Variants in SV2C observed in about 807,000 individuals in gnomAD.
SV2C encodes synaptic vesicle glycoprotein 2C.
In SV2C, 49 loss-of-function variants were observed where a neutral mutation model predicts 79.7. That is an observed-to-expected ratio of 0.61 (90% CI 0.49 to 0.78). The LOEUF (loss-of-function observed/expected upper bound fraction) is 0.78, where lower values mean the gene tolerates loss of function less well. Ranked by LOEUF, SV2C falls within the 30% of genes least tolerant of loss-of-function variation. SV2C has a pLI of 0.00. For synonymous variants in SV2C, 334 were observed against 333.2 expected (o/e 1.00, Z -0.03); for missense variants, 833 against 912.9 (o/e 0.91, Z 1.13).
At chr5:76,285,081 T>C in intron 4 of SV2C, 81 bp from the exon 5 acceptor site, 1 of 1,571,450 alleles carries the variant, frequency 6.4e-7, no homozygotes, top group Non-Finnish European at 8.6e-7. Context: ...AATAAGTCCA[T>C]GGTTCGGGCA....
chr5:76,098,447 C>A (rs1482931230), intron 1 of SV2C, among the ~76,000 whole-genome samples: 1 of 152,184 alleles, frequency 6.6e-6, no homozygotes, highest in African/African-American at 2.4e-5. Flanking sequence ...GCTCAGTGGG[C>A]CTTTTTGTCT....
intron 4 of SV2C, among the ~76,000 whole-genome samples, chr5:76,253,007 C>T (rs547089845): frequency 6.6e-6 from 1 of 152,222 alleles, no homozygotes; most frequent in East Asian, 1.9e-4. Flanking sequence ...TTATATTGAT[C>T]AATTGTGTAA....
At chr5:76,112,281 G>A (rs967835762) in intron 1 of SV2C, among the ~76,000 whole-genome samples, 4 of 152,180 alleles carry the variant, frequency 2.6e-5, no homozygotes, top group African/African-American at 9.7e-5. Context: ...ACTCTTAGGT[G>A]GTGTGGTCAA....
intron 12 of SV2C, among the ~76,000 whole-genome samples, chr5:76,315,799 A>T (rs1748599874): frequency 6.6e-6 from 1 of 152,212 alleles, no homozygotes; most frequent in Non-Finnish European, 1.5e-5. Context: ...AGGGAGAAGA[A>T]AAAAGGGATG....
At chr5:76,130,949 C>T (rs561261565) in intron 1 of SV2C, among the ~76,000 whole-genome samples, 1 of 152,246 alleles carries the variant, frequency 6.6e-6, no homozygotes, top group African/African-American at 2.4e-5. Flanking sequence ...GGCAGACTCC[C>T]ACCAAACAAG....
At chr5:76,211,463 C>CGTGT (rs10593541) in intron 4 of SV2C, among the ~76,000 whole-genome samples, 134 of 149,588 alleles carry the variant, frequency 9.0e-4, no homozygotes, top group Middle Eastern at 3.5e-3. Context: ...GTTCTGGTTG[C>CGTGT]GTGTGTGTGT....
the SV2C span, among the ~76,000 whole-genome samples, chr5:75,971,974 A>G: frequency 1.3e-5 from 2 of 151,848 alleles, no homozygotes; most frequent in Non-Finnish European, 2.9e-5. Flanking sequence ...GTACCAAAAC[A>G]GAGATACAGA....
chr5:75,877,918 T>G, the SV2C span, among the ~76,000 whole-genome samples: 4 of 150,432 alleles, frequency 2.7e-5, no homozygotes, highest in Non-Finnish European at 4.4e-5. Context: ...ATACCAAAAC[T>G]TATCGAATGC....
intron 2 of SV2C, chr5:76,173,597 AC>A: frequency 1.3e-6 from 2 of 1,592,498 alleles, no homozygotes; most frequent in Non-Finnish European, 1.7e-6. Context: ...AGTTCTTCAG[AC>A]CTGGCTCAGA....
chr5:75,989,374 G>A, the SV2C span, among the ~76,000 whole-genome samples: 2 of 151,920 alleles, frequency 1.3e-5, no homozygotes, highest in African/African-American at 4.8e-5. Flanking sequence ...ATAAGTGAGA[G>A]CATGTGGTGC....
At chr5:75,939,584 T>G in the SV2C span, among the ~76,000 whole-genome samples, 1 of 152,106 alleles carries the variant, frequency 6.6e-6, no homozygotes, top group African/African-American at 2.4e-5. Context: ...CTATTGAACC[T>G]CCAACTGGGG....
chr5:76,056,344 A>T, the SV2C span, among the ~76,000 whole-genome samples: 1 of 152,156 alleles, frequency 6.6e-6, no homozygotes, highest in Non-Finnish European at 1.5e-5. Flanking sequence ...AATGAAGTCG[A>T]CTTGATTGTG....
the SV2C span, among the ~76,000 whole-genome samples, chr5:76,024,107 T>C: frequency 6.6e-6 from 1 of 152,166 alleles, no homozygotes; most frequent in African/African-American, 2.4e-5. Flanking sequence ...TGTTTTTTCC[T>C]TCACTCTCTG....
In SV2C at chr5:76,329,928, T is replaced by C. The variant is rs2112573388; in HGVS notation, c.*4381T>C. ...TCACATCGTGCCAAACTTAGTCTGG[T>C]TACTAAGCCTAAAAACACCAGTATT... On this transcript the variant is annotated 3_prime_UTR_variant, in exon 13 of 13. Transcript: ENST00000502798. The C allele has an allele frequency of 6.6e-6, 1 of 152,280 alleles. No homozygotes were observed. The allele number at this position is 152,280 out of a possible 1,614,324, so 9.4% of individuals were successfully genotyped here. A position where few individuals can be genotyped will look rare whatever the true frequency, so the allele number is the denominator to read the frequency against.
chr5:76,014,402 CACTCCCA>C, the SV2C span, among the ~76,000 whole-genome samples: 2 of 152,080 alleles, frequency 1.3e-5, no homozygotes, highest in African/African-American at 4.8e-5. Flanking sequence ...GGGGCAGTAC[CACTCCCA>C]TTAAGAACTA....
At chr5:76,304,612 C>T (rs1265221260) in intron 12 of SV2C, among the ~76,000 whole-genome samples, 3 of 152,154 alleles carry the variant, frequency 2.0e-5, no homozygotes, top group Non-Finnish European at 2.9e-5. Flanking sequence ...TGGAGGCTGG[C>T]AAGTTCAAGA....
At chr5:76,225,538 G>A (rs1412247765) in intron 4 of SV2C, among the ~76,000 whole-genome samples, 4 of 152,132 alleles carry the variant, frequency 2.6e-5, no homozygotes, top group African/African-American at 9.7e-5. Context: ...TGTGATGAAA[G>A]GAAACAGTAT....
At chr5:76,071,729 G>A in the SV2C span, among the ~76,000 whole-genome samples, 1 of 152,090 alleles carries the variant, frequency 6.6e-6, no homozygotes, top group Non-Finnish European at 1.5e-5. Flanking sequence ...GATCATGTAG[G>A]GAAATCAGCA....
the SV2C span, among the ~76,000 whole-genome samples, chr5:76,040,033 TA>T: frequency 6.6e-6 from 1 of 152,172 alleles, no homozygotes; most frequent in South Asian, 2.1e-4. Flanking sequence ...TAACAAGATA[TA>T]ATACATGTAC....
Sources: allele counts gnomAD v4.1 joint callset (sites outside exome capture counted in the v4.1 genomes callset), GRCh38; gene constraint gnomAD v4.1.1; transcripts MANE v1.5; gene names NCBI Gene and HGNC (gene_info 2026-07-23, HGNC 2026-07-21).